SSUH2: variants seen among roughly 807,000 people sequenced by gnomAD.
SSUH2 encodes ssu-2 homolog.
A neutral mutation model predicts 55.3 loss-of-function variants in SSUH2; 47 were observed. That is an observed-to-expected ratio of 0.85 (90% CI 0.67 to 1.08). SSUH2 has a LOEUF of 1.08. Ranked by LOEUF, SSUH2 falls within the 50% of genes least tolerant of loss-of-function variation. The pLI is 0.00. For missense variants in SSUH2, 535 were observed against 490.7 expected (o/e 1.09, Z -0.85); for synonymous variants, 212 against 191.5 (o/e 1.11, Z -0.89).
At chr3:8,633,978 A>G (rs750545221) in intron 3 of SSUH2, 183 bp from the exon 4 acceptor site, 1 of 1,605,642 alleles carries the variant, frequency 6.2e-7, no homozygotes, top group South Asian at 1.1e-5. Flanking sequence ...GCCCAGCGTG[A>G]GAACGGGGCA....
chr3:8,681,766 T>C (rs1229143700), intron 1 of SSUH2: 1 of 146,538 alleles, frequency 6.8e-6, no homozygotes, highest in African/African-American at 2.6e-5. Flanking sequence ...CTTCCCCCTC[T>C]GGCTCTTAGG....
intron 3 of SSUH2, among the ~76,000 whole-genome samples, chr3:8,672,467 A>C (rs1704701837): frequency 1.3e-5 from 2 of 152,074 alleles, no homozygotes; most frequent in Admixed American, 1.3e-4. Context: ...ATTGGGAGTA[A>C]TATCAACCTC....
upstream of SSUH2, among the ~76,000 whole-genome samples, chr3:8,644,956 T>A (rs1701483956): frequency 6.6e-6 from 1 of 152,180 alleles, no homozygotes; most frequent in Non-Finnish European, 1.5e-5. Context: ...GAGCTCCTCT[T>A]CCACAAGAGC....
intron 5 of SSUH2, among the ~76,000 whole-genome samples, chr3:8,666,538 G>A (rs1046140535): frequency 6.6e-6 from 1 of 152,102 alleles, no homozygotes; most frequent in Non-Finnish European, 1.5e-5. Context: ...TGGAAGGTGC[G>A]TGTGTTGGGA....
chr3:8,656,635 C>T lies in SSUH2; in HGVS notation c.-307+2290G>A, dbSNP rs367881575. On this transcript the variant is annotated intron_variant, in intron 7 of 18. Transcript: ENST00000317371. ...TGTGGAGCCAACATGATGGAAAGGA[C>T]GAAAAGGCCACATCATCTCATTCGG... Among the ~76,000 whole-genome samples the T allele has an allele frequency of 9.2e-5, 14 of 152,252 alleles. No individual in the cohort carries two copies. The East Asian group carries it at 1.2e-3, about 13-fold the overall frequency.
At chr3:8,643,419 T>C (rs764750443) in intron 1 of SSUH2, among the ~76,000 whole-genome samples, 32 of 152,188 alleles carry the variant, frequency 2.1e-4, no homozygotes, top group Non-Finnish European at 3.8e-4. Flanking sequence ...AGAAAAAAGA[T>C]TGCATTAGAA....
In SSUH2 at chr3:8,623,230, T is replaced by C. The variant is rs975698586; in HGVS notation, c.981+319A>G. On this transcript the variant is annotated intron_variant, in intron 11 of 11. Coordinates refer to ENST00000544814, the MANE Select transcript of SSUH2 (RefSeq NM_001256748.3). ...CCTGTGACGTTCAATCCCCACCTTT[T>C]TCTTCCCCTATCTGAACACCAGGGA... 3.9e-5 allele frequency among the ~76,000 whole-genome samples: 6 copies of C among 152,336 alleles called. No individual in the cohort carries two copies. In the East Asian group the frequency reaches 1.2e-3, roughly 29 times the overall value.
chr3:8,625,410 C>G (rs1575058429), intron 10 of SSUH2, 132 bp downstream of exon 10: 1 of 608,900 alleles, frequency 1.6e-6, no homozygotes, highest in Non-Finnish European at 3.0e-6. Context: ...TTATCCATGT[C>G]TGGGGAGCTC....
Position 8,633,678 on chromosome 3 carries a change from C to T in SSUH2, c.327G>A (p.Gln109=). The T allele has an allele frequency of 6.6e-7, 1 of 1,526,128 alleles. No individual in the cohort carries two copies. The allele number at this position is 1,526,128 out of a possible 1,614,324, so 94.5% of individuals were successfully genotyped here. A position where few individuals can be genotyped will look rare whatever the true frequency, so the allele number is the denominator to read the frequency against. ...GDLVIQELKR[Q]TLCRYRLETF... is the part of the protein sequence containing the mutation. ...CCTGGCCTCTCACCCTGCAGAGGGT[C>T]TGCCGCTTCAGCTCCTGGATGACGA... Residue 109 remains glutamine (Q), a synonymous_variant, in exon 4 of 12, where the codon CAG becomes CAA. Transcript: ENST00000544814.
At chr3:8,659,224 C>G (rs1703238604) in intron 6 of SSUH2, among the ~76,000 whole-genome samples, 1 of 152,104 alleles carries the variant, frequency 6.6e-6, no homozygotes, top group South Asian at 2.1e-4. Flanking sequence ...AAGTAACAAA[C>G]CCCACTGGGG....
chr3:8,634,167 T>C (rs1301855028), intron 3 of SSUH2: 31 of 630,058 alleles, frequency 4.9e-5, no homozygotes, highest in Middle Eastern at 4.5e-4. Flanking sequence ...AGAGACAGGC[T>C]AAATAAGGCT....
At chr3:8,676,042 G>C (rs1455361815) in intron 3 of SSUH2, among the ~76,000 whole-genome samples, 1 of 152,184 alleles carries the variant, frequency 6.6e-6, no homozygotes, top group African/African-American at 2.4e-5. Flanking sequence ...GCTGACTCTT[G>C]GGCAAAACCT....
chr3:8,620,005 T>C lies in SSUH2; in HGVS notation c.991A>G (p.Ile331Val), dbSNP rs1162786456. 5.0e-6 allele frequency: 8 copies of C among 1,614,036 alleles called. No homozygotes were observed. The highest frequency in any genetic ancestry group is 6.8e-6 in the Non-Finnish European group (8 of 1,179,922). Residue 331 changes from isoleucine (I) to valine (V), a missense_variant, in exon 12 of 12, where the codon ATT becomes GTT. Coordinates refer to ENST00000544814, the MANE Select transcript of SSUH2 (RefSeq NM_001256748.3). ...RARVLQQRQTIELIPLTEVHY... is the reference protein window; with the variant it reads ...RARVLQQRQTVELIPLTEVHY... ...ACTTCTGTGAGGGGGATCAGCTCAA[T>C]GGTCTGGCGCTGAGGAAACAAATAG...
intron 3 of SSUH2, among the ~76,000 whole-genome samples, chr3:8,676,445 T>TG (rs372401343): frequency 1.3e-5 from 2 of 150,814 alleles, no homozygotes; most frequent in Admixed American, 6.6e-5. Context: ...AAAATATCCC[T>TG]GGGGGGTTTC....
chr3:8,625,047 C>T (rs544322510), intron 10 of SSUH2, among the ~76,000 whole-genome samples: 52 of 152,230 alleles, frequency 3.4e-4, no homozygotes, highest in Admixed American at 1.4e-3. Context: ...GAATGTTTCT[C>T]AGTGCCCCTT....
intron 5 of SSUH2, chr3:8,670,946 C>T: frequency 2.7e-6 from 1 of 373,204 alleles, no homozygotes; most frequent in South Asian, 2.0e-5. Flanking sequence ...CCCCGTGTGA[C>T]ATTAGAAGTA....
chr3:8,678,008 T>G (rs3928326), intron 2 of SSUH2, among the ~76,000 whole-genome samples: 19,066 of 146,620 alleles, frequency 0.13, 1,535 homozygotes, highest in Non-Finnish European at 0.14. Context: ...TAACAGGGGT[T>G]TTTCTACTCC....
At chr3:8,641,228 C>T (rs1048438867) in intron 1 of SSUH2, among the ~76,000 whole-genome samples, 1 of 152,366 alleles carries the variant, frequency 6.6e-6, no homozygotes, top group South Asian at 2.1e-4. Flanking sequence ...CTTAAGAATC[C>T]TTTGTAAAAG....
At position 8,632,044 on chromosome 3, in the gene SSUH2, C is replaced by T; in HGVS notation, c.400+5G>A. On this transcript the variant is annotated splice_donor_5th_base_variant and intron_variant, in intron 5 of 11. Transcript: ENST00000544814. ...AGTTAAACTAATTTCAGACAATTCACTTACTAGTAAAGGGTTGAAATGTCC... is the reference window on the plus strand; with the variant it reads ...AGTTAAACTAATTTCAGACAATTCATTTACTAGTAAAGGGTTGAAATGTCC... The T allele has an allele frequency of 1.9e-6, 3 of 1,612,526 alleles. No individual in the cohort carries two copies. Among genetic ancestry groups the T allele is most frequent in the African/African-American group, 1.3e-5 (1 of 74,984 alleles).
Sources: gnomAD v4.1 joint callset for allele counts (sites outside exome capture counted in the v4.1 genomes callset) on GRCh38, gnomAD v4.1.1 for gene constraint, MANE v1.5 for transcripts, NCBI Gene and HGNC (gene_info 2026-07-23, HGNC 2026-07-21) for gene names.